TEX14: variants seen among roughly 807,000 people sequenced by gnomAD.
TEX14 encodes the protein inactive serine/threonine-protein kinase TEX14.
In TEX14, 168 loss-of-function variants were observed where a neutral mutation model predicts 178.6. The observed-to-expected ratio is 0.94, with a 90% CI of 0.83 to 1.07. The LOEUF (loss-of-function observed/expected upper bound fraction) is 1.07, where lower values mean the gene tolerates loss of function less well. Ranked by LOEUF, TEX14 falls within the 50% of genes least tolerant of loss-of-function variation. The pLI is 0.00. For missense variants in TEX14, 1,730 were observed against 1,753.6 expected (o/e 0.99, Z 0.24); for synonymous variants, 626 against 634.1 (o/e 0.99, Z 0.19).
chr17:58,648,786 C>CTTTTTT (rs34918333), intron 2 of TEX14, among the ~76,000 whole-genome samples: 9 of 89,712 alleles, frequency 1.0e-4, no homozygotes, highest in African/African-American at 1.3e-4. Flanking sequence ...CTTTTTTTTT[C>CTTTTTT]TTTTTTTTTT....
intron 1 of TEX14, among the ~76,000 whole-genome samples, chr17:58,678,206 T>C (rs987781325): frequency 6.6e-6 from 1 of 152,086 alleles, no homozygotes; most frequent in East Asian, 1.9e-4. Context: ...GAAAAGCTTA[T>C]CCAGATGGGC....
At chr17:58,679,195 A>G (rs948392235) in intron 1 of TEX14, among the ~76,000 whole-genome samples, 2 of 152,174 alleles carry the variant, frequency 1.3e-5, no homozygotes, top group African/African-American at 4.8e-5. Flanking sequence ...GAGGTCCACA[A>G]AAAGATATAA....
At chr17:58,629,770 G>C (rs969778429) in intron 3 of TEX14, among the ~76,000 whole-genome samples, 5 of 151,146 alleles carry the variant, frequency 3.3e-5, no homozygotes, top group Non-Finnish European at 5.9e-5. Context: ...GGGAGGCAGA[G>C]CTTGCAGTGA....
intron 24 of TEX14, among the ~76,000 whole-genome samples, chr17:58,571,511 T>A (rs1294807428): frequency 6.6e-6 from 1 of 152,040 alleles, no homozygotes; most frequent in Non-Finnish European, 1.5e-5. Flanking sequence ...GTGCTGGGAT[T>A]ATAGGCTTGA....
intron 1 of TEX14, among the ~76,000 whole-genome samples, chr17:58,655,176 C>G (rs2046926881): frequency 6.6e-6 from 1 of 151,582 alleles, no homozygotes; most frequent in South Asian, 2.1e-4. Context: ...CCACATCCAG[C>G]TAATTTTTTC....
At chr17:58,591,669 A>T (rs190760426) in intron 15 of TEX14, among the ~76,000 whole-genome samples, 10 of 151,600 alleles carry the variant, frequency 6.6e-5, no homozygotes, top group African/African-American at 4.8e-5. Context: ...TTTCCAGGAG[A>T]ACTGACTTCA....
chr17:58,644,933 G>A (rs1021347772), intron 2 of TEX14, among the ~76,000 whole-genome samples: 1 of 151,498 alleles, frequency 6.6e-6, no homozygotes, highest in African/African-American at 2.4e-5. Flanking sequence ...TTACAGGCGT[G>A]AGCCACTGCG....
At chr17:58,648,270 A>G (rs2046758942) in intron 2 of TEX14, among the ~76,000 whole-genome samples, 1 of 152,080 alleles carries the variant, frequency 6.6e-6, no homozygotes, top group African/African-American at 2.4e-5. Flanking sequence ...GCAGAACCCC[A>G]CACAGGCCAG....
At chr17:58,558,954 G>A (rs997194559) in intron 30 of TEX14, among the ~76,000 whole-genome samples, 3 of 152,150 alleles carry the variant, frequency 2.0e-5, no homozygotes, top group Non-Finnish European at 4.4e-5. Context: ...CAGATCACCT[G>A]AGGTCAAGAG....
intron 1 of TEX14, chr17:58,666,483 A>AAAAAAAAAAC: frequency 6.7e-6 from 1 of 149,512 alleles, no homozygotes; most frequent in African/African-American, 2.5e-5. Context: ...AAAAAAAAAA[A>AAAAAAAAAAC]AAAAGCAAAA....
In TEX14 at chr17:58,651,312, G is replaced by A. The variant is rs567768731; in HGVS notation, c.136+554C>T. Among the ~76,000 whole-genome samples the A allele has an allele frequency of 5.9e-5, 9 of 152,278 alleles. No individual in the cohort carries two copies. The East Asian group carries it at 1.7e-3, about 29-fold the overall frequency. On this transcript the variant is annotated intron_variant, in intron 2 of 31. Transcript: ENST00000349033. ...GAAAAAAAACAGGAGCCAAACACCAGAAAAGGTTGTTTGTATATGGGTTTT... is the reference window on the plus strand; with the variant it reads ...GAAAAAAAACAGGAGCCAAACACCAAAAAAGGTTGTTTGTATATGGGTTTT...
At chr17:58,606,207 C>G (rs558027126) in intron 10 of TEX14, among the ~76,000 whole-genome samples, 1 of 152,282 alleles carries the variant, frequency 6.6e-6, no homozygotes, top group African/African-American at 2.4e-5. Flanking sequence ...CAAGAGTCCT[C>G]AGGGTAAACT....
At chr17:58,654,492 AAAC>A (rs1024891158) in intron 1 of TEX14, among the ~76,000 whole-genome samples, 4 of 149,434 alleles carry the variant, frequency 2.7e-5, no homozygotes, top group African/African-American at 7.3e-5. Flanking sequence ...GGAAAAAAAA[AAAC>A]AACTTGTAAC....
chr17:58,691,350 G>A, intron 1 of TEX14, among the ~76,000 whole-genome samples: 1 of 152,088 alleles, frequency 6.6e-6, no homozygotes, highest in African/African-American at 2.4e-5. Context: ...CTTCTAAGCT[G>A]GGAAGAAAAG....
At chr17:58,633,701 G>A (rs909259771) in intron 2 of TEX14, among the ~76,000 whole-genome samples, 1 of 152,298 alleles carries the variant, frequency 6.6e-6, no homozygotes, top group South Asian at 2.1e-4. Context: ...GGGCGCAGTG[G>A]CTCACGCCTG....
intron 1 of TEX14, among the ~76,000 whole-genome samples, chr17:58,678,633 T>C (rs930588118): frequency 1.3e-5 from 2 of 151,748 alleles, no homozygotes; most frequent in Non-Finnish European, 2.9e-5. Context: ...ATGAGAACAC[T>C]TGAACACGGG....
At chr17:58,618,580 T>C in intron 5 of TEX14, among the ~76,000 whole-genome samples, 1 of 152,242 alleles carries the variant, frequency 6.6e-6, no homozygotes, top group East Asian at 1.9e-4. Context: ...TTGAGTACTT[T>C]CAGCTCAGAC....
At chr17:58,655,481 G>A (rs1225102722) in intron 1 of TEX14, among the ~76,000 whole-genome samples, 1 of 151,210 alleles carries the variant, frequency 6.6e-6, no homozygotes, top group East Asian at 1.9e-4. Flanking sequence ...CGCACCCGGC[G>A]ACTAATGTTT....
At chr17:58,664,733 A>G (rs949761457) in intron 1 of TEX14, among the ~76,000 whole-genome samples, 2 of 152,188 alleles carry the variant, frequency 1.3e-5, no homozygotes, top group African/African-American at 2.4e-5. Context: ...CCATTAAAAT[A>G]TATGTTAAAA....
Sources: gnomAD v4.1 joint callset for allele counts (sites outside exome capture counted in the v4.1 genomes callset) on GRCh38, gnomAD v4.1.1 for gene constraint, MANE v1.5 for transcripts, NCBI Gene and HGNC (gene_info 2026-07-23, HGNC 2026-07-21) for gene names.